Variants in DLG2 observed in about 807,000 individuals in gnomAD.
DLG2 encodes the protein discs large MAGUK scaffold protein 2, also known as disks large homolog 2.
A neutral mutation model predicts 132.5 loss-of-function variants in DLG2; 45 were observed. That is an observed-to-expected ratio of 0.34 (90% CI 0.27 to 0.44). The LOEUF (loss-of-function observed/expected upper bound fraction) is 0.44. Ranked by LOEUF, DLG2 falls within the 20% of genes least tolerant of loss-of-function variation. DLG2 has a pLI of 1.00. For synonymous variants in DLG2, 424 were observed against 419.6 expected, an observed-to-expected ratio of 1.01 and a Z score of -0.13; for missense variants, 1,045 against 1,196.9, an observed-to-expected ratio of 0.87 and a Z score of 1.87.
At chr11:83,652,864 T>C (rs1197404630) in intron 18 of DLG2, among the ~76,000 whole-genome samples, 1 of 152,158 alleles carries the variant, frequency 6.6e-6, no homozygotes, top group East Asian at 1.9e-4. Flanking sequence ...TTTTGTTGAG[T>C]TTCATATCCC....
rs146232800 is a variant in DLG2 at position 84,906,700 on chromosome 11, T to C, written c.357+204961A>G. Among the ~76,000 whole-genome samples, 837 of 152,152 alleles carry C rather than the reference T, an allele frequency of 5.5e-3. 7 individuals are homozygous for C. The highest frequency in any genetic ancestry group is 0.019 in the African/African-American group (795 of 41,516). On this transcript the variant is annotated intron_variant, in intron 6 of 27. Coordinates refer to ENST00000376104, the MANE Select transcript of DLG2 (RefSeq NM_001142699.3). ...TCAAATAATCAAAGAAATACACATA[T>C]TTTAGCAAAGTGTGGGCAGGGGGAA...
intron 11 of DLG2, among the ~76,000 whole-genome samples, chr11:84,042,482 T>C (rs1232088773): frequency 6.6e-6 from 1 of 151,928 alleles, no homozygotes; most frequent in Non-Finnish European, 1.5e-5. Context: ...ATTTTTAGTA[T>C]AAAAGTAAAA....
chr11:84,096,520 A>G (rs2097167642), intron 10 of DLG2, among the ~76,000 whole-genome samples: 1 of 152,182 alleles, frequency 6.6e-6, no homozygotes, highest in Admixed American at 6.6e-5. Context: ...TAAACATATA[A>G]CATAAAATCT....
At chr11:85,185,725 T>C (rs2080044953) in intron 4 of DLG2, among the ~76,000 whole-genome samples, 1 of 151,896 alleles carries the variant, frequency 6.6e-6, no homozygotes, top group South Asian at 2.1e-4. Flanking sequence ...TACTTACAGC[T>C]AAGTGCCATC....
intron 6 of DLG2, among the ~76,000 whole-genome samples, chr11:84,978,259 A>C (rs2055201868): frequency 1.3e-5 from 2 of 152,208 alleles, no homozygotes; most frequent in Non-Finnish European, 2.9e-5. Context: ...TAGGCTTTTC[A>C]TCCCCATCAA....
intron 17 of DLG2, among the ~76,000 whole-genome samples, chr11:83,825,920 A>G (rs2052618236): frequency 6.6e-6 from 1 of 152,130 alleles, no homozygotes; most frequent in Non-Finnish European, 1.5e-5. Flanking sequence ...AAAATTTTGA[A>G]TAGCATCCCT....
chr11:85,464,539 C>G (rs2092719048), intron 3 of DLG2, among the ~76,000 whole-genome samples: 1 of 152,032 alleles, frequency 6.6e-6, no homozygotes, highest in Non-Finnish European at 1.5e-5. Flanking sequence ...CGGGTGGCAT[C>G]AGTCTGAAAG....
intron 7 of DLG2, among the ~76,000 whole-genome samples, chr11:84,474,118 T>C (rs924543865): frequency 1.5e-4 from 23 of 152,038 alleles, no homozygotes; most frequent in Non-Finnish European, 1.3e-4. Flanking sequence ...CAACATCACC[T>C]TTCTCACAAT....
intron 3 of DLG2, among the ~76,000 whole-genome samples, chr11:85,570,035 T>TACCTAGTAGTTACTACGC (rs1200416296): frequency 6.6e-6 from 1 of 152,196 alleles, no homozygotes. Context: ...GTTGAAAAAC[T>TACCTAGTAGTTACTACGC]ACCTAGTAGT....
intron 3 of DLG2, among the ~76,000 whole-genome samples, chr11:85,587,641 T>C (rs1315934693): frequency 6.6e-6 from 1 of 152,210 alleles, no homozygotes; most frequent in Admixed American, 6.5e-5. Flanking sequence ...TGGATTTTTA[T>C]CCATGCTGCC....
chr11:84,524,292 T>A (rs974527683), intron 7 of DLG2, among the ~76,000 whole-genome samples: 3 of 152,216 alleles, frequency 2.0e-5, no homozygotes, highest in Non-Finnish European at 2.9e-5. Context: ...TTCAGTCCTA[T>A]GCCTAACATT....
intron 6 of DLG2, among the ~76,000 whole-genome samples, chr11:84,966,325 T>A (rs1414824182): frequency 2.0e-5 from 3 of 152,104 alleles, no homozygotes. Context: ...CAGCAGGAAC[T>A]GGGCCAGAAC....
At chr11:84,908,729 T>G (rs892928237) in intron 6 of DLG2, among the ~76,000 whole-genome samples, 1 of 151,710 alleles carries the variant, frequency 6.6e-6, no homozygotes, top group Non-Finnish European at 1.5e-5. Flanking sequence ...TTTTTATGTA[T>G]AAGACACCAT....
At chr11:83,833,311 A>G (rs1256289797) in intron 17 of DLG2, among the ~76,000 whole-genome samples, 1 of 152,106 alleles carries the variant, frequency 6.6e-6, no homozygotes, top group Non-Finnish European at 1.5e-5. Flanking sequence ...GGCGGTGGGC[A>G]GCTATAATCT....
chr11:84,686,149 G>A (rs1401798007), intron 6 of DLG2, among the ~76,000 whole-genome samples: 1 of 152,166 alleles, frequency 6.6e-6, no homozygotes, highest in Non-Finnish European at 1.5e-5. Context: ...GACAGCATAT[G>A]GATAGGCACT....
chr11:84,844,121 GTGTGTGTGTGTGTGTA>G (rs1202897935), intron 6 of DLG2, among the ~76,000 whole-genome samples: 35 of 23,782 alleles, frequency 1.5e-3, no homozygotes, highest in African/African-American at 4.3e-3. Context: ...GTGTGTGTGT[GTGTGTGTGTGTGTGTA>G]TATATATATA....
chr11:85,365,797 G>A (rs1447764719), intron 3 of DLG2, among the ~76,000 whole-genome samples: 2 of 152,148 alleles, frequency 1.3e-5, no homozygotes, highest in Non-Finnish European at 2.9e-5. Flanking sequence ...TGTGGATGAA[G>A]CTGGAAACAA....
intron 11 of DLG2, among the ~76,000 whole-genome samples, chr11:84,011,295 C>A (rs905014101): frequency 1.3e-5 from 2 of 151,842 alleles, no homozygotes; most frequent in Non-Finnish European, 1.5e-5. Context: ...AATAGCAATA[C>A]CCTGTCTCTA....
chr11:83,750,616 C>T (rs1373646681), intron 18 of DLG2, among the ~76,000 whole-genome samples: 1 of 152,042 alleles, frequency 6.6e-6, no homozygotes, highest in Non-Finnish European at 1.5e-5. Context: ...ACAAATGGTT[C>T]CATGACATTA....
Sources: gnomAD v4.1 joint callset for allele counts (sites outside exome capture counted in the v4.1 genomes callset) on GRCh38, gnomAD v4.1.1 for gene constraint, MANE v1.5 for transcripts, NCBI Gene and HGNC (gene_info 2026-07-23, HGNC 2026-07-21) for gene names.